STAG1: variants seen among roughly 807,000 people sequenced by gnomAD.
STAG1 encodes the protein cohesin subunit SA-1.
STAG1 carries 26 observed loss-of-function variants against 170.9 expected under a neutral mutation model. The ratio of observed to expected loss-of-function variants is 0.15; its 90% CI spans 0.11 to 0.21. The LOEUF (loss-of-function observed/expected upper bound fraction) is 0.21. Among genes scored for constraint, STAG1 ranks in the 10% least tolerant of loss-of-function variants. STAG1 has a pLI of 1.00. For missense variants in STAG1, 964 were observed against 1,509.5 expected, an observed-to-expected ratio of 0.64 and a Z score of 5.99; for synonymous variants, 514 against 497.7, an observed-to-expected ratio of 1.03 and a Z score of -0.44.
At chr3:136,412,278 T>C (rs1365711316) in intron 21 of STAG1, among the ~76,000 whole-genome samples, 3 of 152,174 alleles carry the variant, frequency 2.0e-5, no homozygotes, top group African/African-American at 4.8e-5. Context: ...TTCCTTACAG[T>C]AGAGTGCCAA....
chr3:136,500,162 CA>C (rs925996113), intron 9 of STAG1, 60 bp downstream of exon 9: 67 of 1,133,216 alleles, frequency 5.9e-5, no homozygotes, highest in Middle Eastern at 2.1e-4. Context: ...GCCTGGGCCA[CA>C]AAAAAAATCA....
At chr3:136,523,001 C>T (rs567469058) in intron 6 of STAG1, among the ~76,000 whole-genome samples, 2 of 152,206 alleles carry the variant, frequency 1.3e-5, no homozygotes, top group South Asian at 4.2e-4. Flanking sequence ...TAAGTCTTTG[C>T]TATTGTGAAT....
intron 21 of STAG1, among the ~76,000 whole-genome samples, chr3:136,416,103 G>T (rs2087764342): frequency 6.6e-6 from 1 of 152,016 alleles, no homozygotes; most frequent in Non-Finnish European, 1.5e-5. Context: ...TACCTACTGG[G>T]TTCCAGTGAT....
intron 3 of STAG1, among the ~76,000 whole-genome samples, chr3:136,612,525 A>G (rs1208422612): frequency 6.6e-6 from 1 of 152,220 alleles, no homozygotes; most frequent in Non-Finnish European, 1.5e-5. Context: ...AAAAAAAACA[A>G]AAAACAAGAA....
Position 136,590,813 on chromosome 3 carries a change from G to T in STAG1, c.297+13496C>A, listed in dbSNP as rs963871410. Among the ~76,000 whole-genome samples, 4 of 152,124 alleles carry T rather than the reference G, an allele frequency of 2.6e-5. No individual in the cohort carries two copies. The East Asian group carries it at 7.7e-4, about 29-fold the overall frequency. On this transcript the variant is annotated intron_variant, in intron 4 of 33. Transcript: ENST00000383202. ...GTTATAAAATCTGAAAATTTCTGAG[G>T]ATCAAATTAATTAATCAGTTCTAAA...
intron 21 of STAG1, among the ~76,000 whole-genome samples, chr3:136,414,409 C>T (rs1390727499): frequency 6.6e-6 from 1 of 152,198 alleles, no homozygotes; most frequent in Non-Finnish European, 1.5e-5. Context: ...ATTGCTCATC[C>T]GTAAGAATTA....
intron 1 of STAG1, among the ~76,000 whole-genome samples, chr3:136,693,109 T>G (rs776687839): frequency 6.6e-6 from 1 of 152,236 alleles, no homozygotes; most frequent in Non-Finnish European, 1.5e-5. Flanking sequence ...CATGATTTTA[T>G]TTTTTGTTTT....
At chr3:136,353,142 T>C (rs1198821272) in intron 28 of STAG1, among the ~76,000 whole-genome samples, 1 of 152,050 alleles carries the variant, frequency 6.6e-6, no homozygotes, top group Non-Finnish European at 1.5e-5. Context: ...CATTTGACGA[T>C]ATATCAAGAA....
At chr3:136,611,248 C>G (rs376002603) in intron 3 of STAG1, among the ~76,000 whole-genome samples, 1 of 151,838 alleles carries the variant, frequency 6.6e-6, no homozygotes, top group Non-Finnish European at 1.5e-5. Context: ...CTCCTGGGTT[C>G]GAGCGATTCT....
chr3:136,551,262 G>GGAGAGC (rs1936387308), intron 5 of STAG1, among the ~76,000 whole-genome samples: 1 of 55,204 alleles, frequency 1.8e-5, no homozygotes, highest in Admixed American at 1.9e-4. Context: ...AGAGAGAGAG[G>GGAGAGC]GAGAGCGAGA....
At chr3:136,559,980 T>C (rs1258077705) in intron 5 of STAG1, among the ~76,000 whole-genome samples, 1 of 152,176 alleles carries the variant, frequency 6.6e-6, no homozygotes, top group Non-Finnish European at 1.5e-5. Flanking sequence ...CCTAAATAAA[T>C]AGTTTGGACA....
chr3:136,546,989 G>C (rs192106172), intron 5 of STAG1, among the ~76,000 whole-genome samples: 47 of 152,238 alleles, frequency 3.1e-4, no homozygotes, highest in Middle Eastern at 3.4e-3. Context: ...GTGCCACTAA[G>C]ATTTTCTCAA....
chr3:136,563,936 C>T (rs1052008055), intron 5 of STAG1, among the ~76,000 whole-genome samples: 1 of 151,914 alleles, frequency 6.6e-6, no homozygotes, highest in Non-Finnish European at 1.5e-5. Flanking sequence ...GGCAGGAGAA[C>T]TGCTTGAACC....
chr3:136,724,412 C>T (rs928657203), intron 1 of STAG1, among the ~76,000 whole-genome samples: 2 of 151,076 alleles, frequency 1.3e-5, no homozygotes, highest in South Asian at 2.1e-4. Flanking sequence ...GCAGCATGCT[C>T]GTTAAGAGTC....
intron 1 of STAG1, among the ~76,000 whole-genome samples, chr3:136,749,629 C>A (rs1050703473): frequency 1.3e-5 from 2 of 151,824 alleles, no homozygotes; most frequent in African/African-American, 2.4e-5. Context: ...ACTTGTAGAC[C>A]CAGCTACTTG....
rs115597497 is a variant in STAG1, at chr3:136,521,620, T to C, written c.472-203A>G. 8.1e-3 allele frequency among the ~76,000 whole-genome samples: 1,229 copies of C among 152,302 alleles called. 23 individuals carry two copies. Among genetic ancestry groups the C allele is most frequent in the African/African-American group, 0.027 (1,128 of 41,568 alleles). On this transcript the variant is annotated intron_variant, in intron 6 of 33. Coordinates refer to ENST00000383202, the MANE Select transcript of STAG1 (RefSeq NM_005862.3). ...TAAGTAATTCTTAAAATACTCAAAA[T>C]TACTATTTTAGAACCAGCATCTACT...
intron 9 of STAG1, 70 bp from the exon 10 acceptor site, chr3:136,477,482 A>AT: frequency 7.3e-7 from 1 of 1,370,696 alleles, no homozygotes; most frequent in Non-Finnish European, 9.7e-7. Flanking sequence ...CTCGCTTTCC[A>AT]TAAGCAATAA....
At chr3:136,571,221 T>C (rs1035977850) in intron 4 of STAG1, among the ~76,000 whole-genome samples, 5 of 150,758 alleles carry the variant, frequency 3.3e-5, no homozygotes, top group African/African-American at 1.2e-4. Context: ...ACCAGTTACA[T>C]ATGAAGAGCT....
At chr3:136,351,160 A>T (rs1463340102) in intron 28 of STAG1, among the ~76,000 whole-genome samples, 1 of 151,670 alleles carries the variant, frequency 6.6e-6, no homozygotes, top group Non-Finnish European at 1.5e-5. Context: ...AACGTAGCCT[A>T]CCAAATCCTC....
Sources: gnomAD v4.1 joint callset for allele counts (sites outside exome capture counted in the v4.1 genomes callset) on GRCh38, gnomAD v4.1.1 for gene constraint, MANE v1.5 for transcripts, NCBI Gene and HGNC (gene_info 2026-07-23, HGNC 2026-07-21) for gene names.